SLK: variants seen among roughly 807,000 people sequenced by gnomAD.
SLK encodes the protein STE20 like kinase, also known as STE20-like serine/threonine-protein kinase.
In SLK, 67 loss-of-function variants were observed where a neutral mutation model predicts 147.7. The ratio of observed to expected loss-of-function variants is 0.45; its 90% CI spans 0.37 to 0.56. The LOEUF is 0.56. Among genes scored for constraint, SLK ranks in the 20% least tolerant of loss-of-function variants. The probability of loss-of-function intolerance (pLI) is 0.00; values close to 1 mark genes in which losing one functional copy is unlikely to be tolerated. For synonymous variants in SLK, 441 were observed against 475.0 expected (o/e 0.93, Z 0.93); for missense variants, 1,136 against 1,438.8 (o/e 0.79, Z 3.41).
At chr10:103,988,661 A>G (rs1277205201) in intron 1 of SLK, among the ~76,000 whole-genome samples, 1 of 152,180 alleles carries the variant, frequency 6.6e-6, no homozygotes, top group Non-Finnish European at 1.5e-5. Flanking sequence ...GCTCATTTAT[A>G]TCCTCCTTTA....
At chr10:104,012,392 T>C (rs923124567) in intron 13 of SLK, among the ~76,000 whole-genome samples, 1 of 152,226 alleles carries the variant, frequency 6.6e-6, no homozygotes, top group Non-Finnish European at 1.5e-5. Flanking sequence ...TTTCTTGCTA[T>C]GAGCCATTGA....
rs1844614076 is a variant in SLK at position 104,027,512 on chromosome 10, CTT to C, written c.*1794_*1795del. Reference sequence around the variant, plus strand: ...TTTGAAAGCCTTTTAAAATATATATCTTTATAAAGTAATATTCAGGATGATGA... The same window carrying C: ...TTTGAAAGCCTTTTAAAATATATATCTATAAAGTAATATTCAGGATGATGA... On this transcript the variant is annotated 3_prime_UTR_variant, in exon 19 of 19. Transcript: ENST00000369755. 6.6e-6 allele frequency: 1 copy of C among 152,336 alleles called. No individual in the cohort carries two copies. Among genetic ancestry groups the C allele is most frequent in the South Asian group, 2.1e-4 (1 of 4,814 alleles). The allele number at this position is 152,336 out of a possible 1,614,324, so 9.4% of individuals were successfully genotyped here.
chr10:103,984,096 A>G (rs1192360009), intron 1 of SLK, among the ~76,000 whole-genome samples: 2 of 152,078 alleles, frequency 1.3e-5, no homozygotes, highest in East Asian at 3.9e-4. Flanking sequence ...AATCAATGTG[A>G]TTTTCCTCCT....
At chr10:104,003,714 G>A (rs759244521) in intron 9 of SLK, among the ~76,000 whole-genome samples, 187 bp downstream of exon 9, 6 of 152,166 alleles carry the variant, frequency 3.9e-5, no homozygotes, top group Non-Finnish European at 5.9e-5. Context: ...TTTAAATTTT[G>A]TGGTAGGATC....
At chr10:104,016,143 C>A (rs1218921713) in intron 13 of SLK, among the ~76,000 whole-genome samples, 1 of 151,812 alleles carries the variant, frequency 6.6e-6, no homozygotes, top group East Asian at 1.9e-4. Context: ...ACGGTGAAAC[C>A]CCGTCTCTAC....
chr10:103,989,529 C>T (rs1034940200), intron 1 of SLK, among the ~76,000 whole-genome samples: 3 of 137,686 alleles, frequency 2.2e-5, no homozygotes, highest in Non-Finnish European at 3.0e-5. Flanking sequence ...AGTGCAGTGG[C>T]GCAATTTCGG....
intron 1 of SLK, among the ~76,000 whole-genome samples, chr10:103,986,313 C>T (rs1469173765): frequency 1.3e-5 from 2 of 152,130 alleles, no homozygotes; most frequent in Non-Finnish European, 2.9e-5. Context: ...ACTAAATGTT[C>T]CCATCTTGGG....
intron 1 of SLK, among the ~76,000 whole-genome samples, chr10:103,980,227 A>G (rs776142315): frequency 6.9e-6 from 1 of 145,154 alleles, no homozygotes; most frequent in Non-Finnish European, 1.6e-5. Flanking sequence ...AGCAAAACAA[A>G]TGATTATTTA....
intron 13 of SLK, among the ~76,000 whole-genome samples, chr10:104,016,057 G>A (rs529110724): frequency 2.2e-3 from 342 of 152,234 alleles, no homozygotes; most frequent in South Asian, 5.4e-3. Flanking sequence ...GTTGGCTCAC[G>A]CTTGTAATCC....
intron 18 of SLK, among the ~76,000 whole-genome samples, chr10:104,022,455 C>T (rs921862301): frequency 6.6e-6 from 1 of 152,168 alleles, no homozygotes; most frequent in Non-Finnish European, 1.5e-5. Context: ...TCTGACCCTT[C>T]GTTACTCAAA....
chr10:104,002,124 A>T (rs1402595111), intron 8 of SLK, 48 bp from the exon 9 acceptor site: 7 of 1,396,852 alleles, frequency 5.0e-6, no homozygotes, highest in Non-Finnish European at 6.8e-6. Context: ...TGTTTTGGTC[A>T]CTCTAAGGTC....
At chr10:103,992,573 C>CTTTT in intron 2 of SLK, 25 bp from the exon 3 acceptor site, 8 of 1,216,032 alleles carry the variant, frequency 6.6e-6, no homozygotes, top group African/African-American at 4.2e-5. Flanking sequence ...TAGACACACG[C>CTTTT]TTTTTTTTTT....
chr10:104,002,820 G>A lies in SLK; in HGVS notation c.1642G>A (p.Val548Met). Residue 548 changes from valine to methionine, a missense_variant, in exon 9 of 19, where the codon GTG (valine) becomes ATG (methionine). By Grantham distance (21) the Val-to-Met change is conservative (BLOSUM62 1). Coordinates refer to ENST00000369755, the MANE Select transcript of SLK (RefSeq NM_014720.4). ...QKDVISNTSD[V>M]IGTCEAADVA... is the part of the protein sequence containing the mutation. The stretch of plus-strand genomic sequence containing the variant: ...AGATGTGATCAGCAATACAAGTGAT[G>A]TGATAGGAACATGTGAGGCAGCAGA... 1 of 1,614,108 alleles carries A rather than the reference G, an allele frequency of 6.2e-7. No homozygotes were observed. Among genetic ancestry groups the A allele is most frequent in the Non-Finnish European group, 8.5e-7 (1 of 1,180,000 alleles).
intron 13 of SLK, among the ~76,000 whole-genome samples, chr10:104,017,170 A>G (rs1400461681): frequency 1.3e-5 from 2 of 152,232 alleles, no homozygotes; most frequent in African/African-American, 4.8e-5. Context: ...TATGTACTCA[A>G]TAAATATTTG....
chr10:103,996,312 C>T (rs1005090674), intron 4 of SLK, among the ~76,000 whole-genome samples: 5 of 148,268 alleles, frequency 3.4e-5, no homozygotes, highest in Admixed American at 2.7e-4. Flanking sequence ...AAGTCATGTG[C>T]TCTTTTTGCT....
At chr10:103,980,409 T>C (rs1362675195) in intron 1 of SLK, among the ~76,000 whole-genome samples, 1 of 152,166 alleles carries the variant, frequency 6.6e-6, no homozygotes, top group Non-Finnish European at 1.5e-5. Context: ...ACATTCGTAA[T>C]GTGCAACTGT....
Position 104,018,879 on chromosome 10 carries a change from A to C in SLK, c.3103A>C (p.Arg1035=). 1 of 1,605,344 alleles carries C rather than the reference A, an allele frequency of 6.2e-7. No individual in the cohort carries two copies. Among genetic ancestry groups the C allele is most frequent in the Non-Finnish European group, 8.5e-7 (1 of 1,177,510 alleles). ...QQLKDQYFMQ[R]HQLLKRHEKE... ...GCTTAAAGATCAGTATTTCATGCAA[A>C]GACATCAGCTACTTAAGCGCCACGA... is the stretch of plus-strand genomic sequence containing the variant. Residue 1035 remains arginine, a synonymous_variant, in exon 15 of 19, where the codon AGA becomes CGA. Coordinates refer to ENST00000369755, the MANE Select transcript of SLK (RefSeq NM_014720.4).
rs534121555 is a variant in SLK, at chr10:103,989,272, C to T, written c.151-1403C>T. On this transcript the variant is annotated intron_variant, in intron 1 of 18. Transcript: ENST00000369755. Reference sequence around the variant, plus strand: ...TGACAAATAAGTATATGAAAAGATGCTCGACATCATATGTCATCAGGGAAT... The same window carrying T: ...TGACAAATAAGTATATGAAAAGATGTTCGACATCATATGTCATCAGGGAAT... 3.4e-4 allele frequency among the ~76,000 whole-genome samples: 51 copies of T among 152,180 alleles called. 1 individual carries two copies. In the South Asian group the frequency reaches 0.01, roughly 30 times the overall value.
intron 13 of SLK, among the ~76,000 whole-genome samples, chr10:104,012,365 T>C (rs1844411149): frequency 6.6e-6 from 1 of 152,212 alleles, no homozygotes. Context: ...TGAATAAATT[T>C]AGTTTGCTTT....
Sources: gnomAD v4.1 joint callset for allele counts (sites outside exome capture counted in the v4.1 genomes callset) on GRCh38, gnomAD v4.1.1 for gene constraint, MANE v1.5 for transcripts, NCBI Gene and HGNC (gene_info 2026-07-23, HGNC 2026-07-21) for gene names.